CREBBP: variants seen among roughly 807,000 people sequenced by gnomAD.
CREBBP encodes CREB-binding protein.
In CREBBP, 19 loss-of-function variants were observed where a neutral mutation model predicts 265.0. That is an observed-to-expected ratio of 0.07 (90% CI 0.05 to 0.11). CREBBP has a LOEUF of 0.11. Ranked by LOEUF, CREBBP falls within the 10% of genes least tolerant of loss-of-function variation. CREBBP has a pLI of 1.00. For missense variants in CREBBP, 2,525 were observed against 3,219.0 expected, an observed-to-expected ratio of 0.78 and a Z score of 5.22; for synonymous variants, 1,457 against 1,223.7, an observed-to-expected ratio of 1.19 and a Z score of -3.98.
In CREBBP at chr16:3,821,663, C is replaced by T. The variant is rs1011515653; in HGVS notation, c.799-10884G>A. 5.9e-5 allele frequency among the ~76,000 whole-genome samples: 9 copies of T among 152,184 alleles called. No individual in the cohort carries two copies. In the East Asian group the frequency reaches 1.4e-3, roughly 23 times the overall value. On this transcript the variant is annotated intron_variant, in intron 2 of 30. Coordinates refer to ENST00000262367, the MANE Select transcript of CREBBP (RefSeq NM_004380.3). Reference sequence around the variant, plus strand: ...CTTTCATGCCAATCCAAGCCAACTTCACACGGGCAATGGAAAAAGAGGAAA... The same window carrying T: ...CTTTCATGCCAATCCAAGCCAACTTTACACGGGCAATGGAAAAAGAGGAAA...
At chr16:3,828,767 T>C (rs1176466674) in intron 2 of CREBBP, among the ~76,000 whole-genome samples, 3 of 152,184 alleles carry the variant, frequency 2.0e-5, no homozygotes, top group African/African-American at 7.2e-5. Context: ...CTTTCAAACA[T>C]GTGTCGTCTT....
chr16:3,809,309 C>G (rs931129209), intron 3 of CREBBP, among the ~76,000 whole-genome samples: 1 of 152,118 alleles, frequency 6.6e-6, no homozygotes, highest in African/African-American at 2.4e-5. Flanking sequence ...TCCTGAGTAG[C>G]TGGAATTACA....
intron 1 of CREBBP, among the ~76,000 whole-genome samples, chr16:3,874,463 T>C (rs745753498): frequency 3.9e-5 from 6 of 152,202 alleles, no homozygotes; most frequent in Non-Finnish European, 5.9e-5. Context: ...AGTCCTCAGA[T>C]GCCAGTCTTT....
Position 3,728,157 on chromosome 16 carries a change from T to C in CREBBP, c.6890A>G (p.Gln2297Arg), listed in dbSNP as rs2051797662. Residue 2297 changes from glutamine (Q) to arginine (R), a missense_variant, in exon 31 of 31, where the codon CAG becomes CGG. Around this residue, in one of 19 missense-constraint regions of CREBBP, gnomAD observed 473 missense variants for 459.3 expected, o/e 1.03. Transcript: ENST00000262367. The surrounding 1 kb of genome is among the most constrained non-coding windows in gnomAD (Gnocchi z 8.7). ...AATCTGCTGCTTCATCTGCTGTTGC[T>C]GCAGAATCCGCTGCTGCAGGGCTTG... The part of the protein sequence containing the change: ...IQQALQQRIL[Q>R]QQQMKQQIGS... The C allele has an allele frequency of 6.2e-7, 1 of 1,614,172 alleles. No individual in the cohort carries two copies. The highest frequency in any genetic ancestry group is 8.5e-7 in the Non-Finnish European group (1 of 1,180,020).
intron 3 of CREBBP, among the ~76,000 whole-genome samples, chr16:3,801,594 C>G (rs190770936): frequency 6.4e-4 from 97 of 152,180 alleles, no homozygotes; most frequent in African/African-American, 2.1e-3. Flanking sequence ...CGCTTGAACC[C>G]AGGAAGTGGA....
chr16:3,875,943 G>A (rs2055390813), intron 1 of CREBBP, among the ~76,000 whole-genome samples: 1 of 152,130 alleles, frequency 6.6e-6, no homozygotes, highest in Non-Finnish European at 1.5e-5. Flanking sequence ...GCATTTAAAA[G>A]GATTCACGTC....
rs928116660 is a variant in CREBBP, at chr16:3,776,995, G to T, written c.2158+618C>A. On this transcript the variant is annotated intron_variant, in intron 11 of 30. Coordinates refer to ENST00000262367, the MANE Select transcript of CREBBP (RefSeq NM_004380.3). ...ATCGTGCCACTGCACTCCAGCCTGG[G>T]CAACAAAGTAAGGCTCTGTCTCAAA... Among the ~76,000 whole-genome samples, 9 of 150,716 alleles carry T rather than the reference G, an allele frequency of 6.0e-5. No homozygotes were observed. In the South Asian group the frequency reaches 1.9e-3, roughly 32 times the overall value.
Position 3,758,008 on chromosome 16 carries a change from G to C in CREBBP, c.3410C>G (p.Thr1137Ser), listed in dbSNP as rs375416112. 1 of 1,613,334 alleles carries C rather than the reference G, an allele frequency of 6.2e-7. No homozygotes were observed. Among genetic ancestry groups the C allele is most frequent in the Non-Finnish European group, 8.5e-7 (1 of 1,179,956 alleles). The change falls in exon 18 of 31, where the codon ACC (threonine) becomes AGC (serine). Residue 1137 changes from threonine to serine, a missense_variant. Around this residue, in one of 19 missense-constraint regions of CREBBP, gnomAD observed 252 missense variants for 452.5 expected, o/e 0.56. Transcript: ENST00000262367. ...DIVKNPMDLS[T>S]IKRKLDTGQY... The stretch of plus-strand genomic sequence containing the variant: ...CCCTGTGTCCAGCTTCCGCTTGATG[G>C]TGGAGAGGTCCATGGGATTCTTTAC...
Position 3,768,012 on chromosome 16 carries a change from C to G in CREBBP, c.3061-103G>C. The G allele has an allele frequency of 4.7e-6, 5 of 1,057,216 alleles. No homozygotes were observed. The South Asian group carries it at 5.1e-5, about 11-fold the overall frequency. 65.5% of individuals were successfully genotyped at this position (1,057,216 alleles called of 1,614,324 possible). ...AAGCCTAAAACAGGTTTGTTAAAAC[C>G]TTCCTCTAGTCAGAGTTGCATTTAT... On this transcript the variant is annotated intron_variant, in intron 15 of 30. Coordinates refer to ENST00000262367, the MANE Select transcript of CREBBP (RefSeq NM_004380.3).
chr16:3,852,373 T>C (rs2054870938), intron 1 of CREBBP, among the ~76,000 whole-genome samples: 1 of 151,728 alleles, frequency 6.6e-6, no homozygotes, highest in Non-Finnish European at 1.5e-5. Context: ...TTTCACCGTA[T>C]TAGCCAGGAT....
Position 3,843,474 on chromosome 16 carries a change from G to A in CREBBP, c.798+6823C>T, listed in dbSNP as rs374173971. Among the ~76,000 whole-genome samples, 220 of 138,490 alleles carry A rather than the reference G, an allele frequency of 1.6e-3. 4 individuals carry two copies. The highest frequency in any genetic ancestry group is 0.014 in the Middle Eastern group (3 of 220). 90.9% of individuals were successfully genotyped at this position (138,490 alleles called of 152,430 possible). ...TCTCACTCTGTTGGTATGCTTGATT[G>A]TAGTGGTGTGATCATGGCTCACTGC... On this transcript the variant is annotated intron_variant, in intron 2 of 30. Coordinates refer to ENST00000262367, the MANE Select transcript of CREBBP (RefSeq NM_004380.3).
intron 2 of CREBBP, among the ~76,000 whole-genome samples, chr16:3,824,123 G>A (rs188581621): frequency 2.5e-4 from 38 of 152,342 alleles, no homozygotes; most frequent in African/African-American, 8.9e-4. Flanking sequence ...AGACATGTGC[G>A]GTTAACAGGT....
chr16:3,753,032 T>TG (rs2052509302), intron 19 of CREBBP, among the ~76,000 whole-genome samples: 1 of 152,012 alleles, frequency 6.6e-6, no homozygotes, highest in Non-Finnish European at 1.5e-5. Flanking sequence ...GAAGAATGAG[T>TG]GTCAGGTAGC....
intron 2 of CREBBP, among the ~76,000 whole-genome samples, chr16:3,841,486 A>T (rs2054566180): frequency 6.6e-6 from 1 of 152,088 alleles, no homozygotes; most frequent in Non-Finnish European, 1.5e-5. Context: ...AAAAAAATCA[A>T]AAAAATTAGC....
In CREBBP at chr16:3,736,785, A is replaced by C. The variant is rs1225198173; in HGVS notation, c.4425T>G (p.Pro1475=). Residue 1475 remains proline, a synonymous_variant, in exon 27 of 31, where the codon CCT becomes CCG. Transcript: ENST00000262367. ...AGATGTAATCATCTCCTTCACTTGG[A>C]GGACAGGCCCAGATGTGCCCTGTCA... ...GYVTGHIWAC[P]PSEGDDYIFH... 6.2e-7 allele frequency: 1 copy of C among 1,614,010 alleles called. No homozygotes were observed. The highest frequency in any genetic ancestry group is 1.7e-5 in the Admixed American group (1 of 60,014).
Position 3,793,277 on chromosome 16 carries a change from G to C in CREBBP, c.1216+109C>G. The C allele has an allele frequency of 3.4e-6, 5 of 1,464,030 alleles. No individual in the cohort carries two copies. The South Asian group carries it at 5.7e-5, about 17-fold the overall frequency. The allele number at this position is 1,464,030 out of a possible 1,614,324, so 90.7% of individuals were successfully genotyped here. On this transcript the variant is annotated intron_variant, in intron 4 of 30. Coordinates refer to ENST00000262367, the MANE Select transcript of CREBBP (RefSeq NM_004380.3). The stretch of plus-strand genomic sequence containing the variant: ...ACATGTCTTGCCACACCCAATGGAA[G>C]GCAGCACTCAGGCTGCCGGAGCCTT...
intron 19 of CREBBP, among the ~76,000 whole-genome samples, chr16:3,753,081 T>C (rs2052511017): frequency 6.6e-6 from 1 of 152,170 alleles, no homozygotes; most frequent in Non-Finnish European, 1.5e-5. Context: ...CAAAACTATG[T>C]CTACAAGATG....
chr16:3,824,572 G>A (rs369785822), intron 2 of CREBBP, among the ~76,000 whole-genome samples: 12 of 152,346 alleles, frequency 7.9e-5, no homozygotes, highest in East Asian at 3.9e-4. Context: ...AACAAACGCT[G>A]CTCTGATCTC....
chr16:3,782,611 T>G (rs960925581), intron 6 of CREBBP, 73 bp downstream of exon 6: 2 of 1,565,910 alleles, frequency 1.3e-6, no homozygotes, highest in Non-Finnish European at 1.7e-6. Flanking sequence ...GAAAACTGCC[T>G]TGGGTTCCAT....
Sources: allele counts gnomAD v4.1 joint callset (sites outside exome capture counted in the v4.1 genomes callset), GRCh38; gene constraint gnomAD v4.1.1; regional missense constraint gnomAD v4.1.1; non-coding constraint Gnocchi (gnomAD v3.1); transcripts MANE v1.5; gene names NCBI Gene and HGNC (gene_info 2026-07-23, HGNC 2026-07-21).